CENPP: variants seen among roughly 807,000 people sequenced by gnomAD.
CENPP encodes centromere protein P.
CENPP carries 24 observed loss-of-function variants against 35.6 expected under a neutral mutation model. The ratio of observed to expected loss-of-function variants is 0.67; its 90% CI spans 0.49 to 0.95. CENPP has a LOEUF of 0.95. Ranked by LOEUF, CENPP falls within the 40% of genes least tolerant of loss-of-function variation. The probability of loss-of-function intolerance (pLI) is 0.00; values close to 1 mark genes in which losing one functional copy is unlikely to be tolerated. For synonymous variants in CENPP, 120 were observed against 125.5 expected, an observed-to-expected ratio of 0.96 and a Z score of 0.29; for missense variants, 332 against 345.3, an observed-to-expected ratio of 0.96 and a Z score of 0.31.
chr9:92,330,378 A>G (rs1244737457), intron 1 of CENPP, among the ~76,000 whole-genome samples: 4 of 152,216 alleles, frequency 2.6e-5, no homozygotes, highest in African/African-American at 9.6e-5. Flanking sequence ...TAGAGGAGCT[A>G]AGGCTAATCA....
intron 5 of CENPP, chr9:92,403,166 G>A: frequency 9.1e-7 from 1 of 1,102,076 alleles, no homozygotes; most frequent in South Asian, 1.7e-5. Flanking sequence ...ACACATTCAG[G>A]AAAAGCAAAA....
chr9:92,457,885 A>G (rs1564330995), intron 5 of CENPP, among the ~76,000 whole-genome samples: 1 of 152,210 alleles, frequency 6.6e-6, no homozygotes, highest in South Asian at 2.1e-4. Flanking sequence ...GTGTATATAT[A>G]TGGTTACTTC....
chr9:92,335,778 G>T (rs547023188), intron 2 of CENPP, among the ~76,000 whole-genome samples: 1 of 152,154 alleles, frequency 6.6e-6, no homozygotes, highest in East Asian at 1.9e-4. Flanking sequence ...ATACTGTCTT[G>T]ATTACTGTAG....
chr9:92,523,603 G>C (rs1407974742), intron 5 of CENPP, among the ~76,000 whole-genome samples: 1 of 152,208 alleles, frequency 6.6e-6, no homozygotes, highest in Non-Finnish European at 1.5e-5. Context: ...CAGATGTTTA[G>C]GGCGAAACAG....
rs1407853774 is a variant in CENPP, at chr9:92,518,231, CAG to C, written c.565-93082_565-93081del. On this transcript the variant is annotated intron_variant, in intron 5 of 7. Transcript: ENST00000375587. ...ATACTTTGTGTCTAATGTGGGGACA[CAG>C]GGGCTCAGCTCATCATATTCACTCA... Among the ~76,000 whole-genome samples, 4 of 152,318 alleles carry C rather than the reference CAG, an allele frequency of 2.6e-5. No individual in the cohort carries two copies. In the East Asian group the frequency reaches 5.8e-4, roughly 22 times the overall value.
intron 5 of CENPP, chr9:92,514,804 C>T (rs1455345600): frequency 1.2e-6 from 2 of 1,613,810 alleles, no homozygotes; most frequent in Non-Finnish European, 1.7e-6. Context: ...CATATCTCCT[C>T]TTACCGGGTC....
chr9:92,412,543 A>G (rs150253209), intron 5 of CENPP, among the ~76,000 whole-genome samples: 1 of 152,326 alleles, frequency 6.6e-6, no homozygotes, highest in African/African-American at 2.4e-5. Context: ...AGCTCTAGGC[A>G]ACCAATAGTC....
intron 4 of CENPP, among the ~76,000 whole-genome samples, chr9:92,364,640 G>A (rs1451135313): frequency 6.6e-6 from 1 of 152,140 alleles, no homozygotes; most frequent in Non-Finnish European, 1.5e-5. Flanking sequence ...GAATTTTACT[G>A]TATGTAAATT....
At chr9:92,599,946 G>C (rs1007985903) in intron 5 of CENPP, among the ~76,000 whole-genome samples, 2 of 152,186 alleles carry the variant, frequency 1.3e-5, no homozygotes, top group African/African-American at 4.8e-5. Context: ...TGGGGGACCA[G>C]TGGGACCCAC....
intron 5 of CENPP, among the ~76,000 whole-genome samples, chr9:92,412,368 T>A (rs1843469080): frequency 6.6e-6 from 1 of 152,186 alleles, no homozygotes; most frequent in Non-Finnish European, 1.5e-5. Flanking sequence ...ATTACAGATA[T>A]GAGCCACTGC....
At chr9:92,391,122 C>T (rs916866318) in intron 5 of CENPP, among the ~76,000 whole-genome samples, 1 of 150,962 alleles carries the variant, frequency 6.6e-6, no homozygotes, top group Admixed American at 6.6e-5. Flanking sequence ...ATAGGCCAGG[C>T]GCGGTGGCTC....
chr9:92,508,993 A>G (rs1847176138), intron 5 of CENPP, among the ~76,000 whole-genome samples: 1 of 152,076 alleles, frequency 6.6e-6, no homozygotes, highest in African/African-American at 2.4e-5. Flanking sequence ...ACACAGTACA[A>G]TCAAAGGCAT....
At chr9:92,348,333 A>G (rs983222720) in intron 4 of CENPP, among the ~76,000 whole-genome samples, 1 of 147,980 alleles carries the variant, frequency 6.8e-6, no homozygotes, top group African/African-American at 2.5e-5. Flanking sequence ...TTCATTCTTC[A>G]TTTCATTTGA....
chr9:92,505,464 T>C (rs1588195411), intron 5 of CENPP: 2 of 1,304,726 alleles, frequency 1.5e-6, no homozygotes, highest in Non-Finnish European at 2.1e-6. Context: ...AGTCTTAAAA[T>C]ATATTTTGTT....
chr9:92,421,183 A>G (rs1843780997), intron 5 of CENPP, among the ~76,000 whole-genome samples: 1 of 151,962 alleles, frequency 6.6e-6, no homozygotes, highest in Non-Finnish European at 1.5e-5. Flanking sequence ...GGGATTACAG[A>G]TGCGTGCCAC....
intron 5 of CENPP, among the ~76,000 whole-genome samples, chr9:92,594,768 A>G (rs1023746970): frequency 2.0e-5 from 3 of 152,152 alleles, no homozygotes; most frequent in Non-Finnish European, 2.9e-5. Context: ...CATCCTGGAC[A>G]ACATAGCAAG....
chr9:92,542,116 A>G (rs966911874), intron 5 of CENPP, among the ~76,000 whole-genome samples: 1 of 152,072 alleles, frequency 6.6e-6, no homozygotes, highest in Admixed American at 6.6e-5. Context: ...CTTTGAGATT[A>G]GTGGGATTGT....
At chr9:92,572,374 C>A (rs146107670) in intron 5 of CENPP, among the ~76,000 whole-genome samples, 1,728 of 152,264 alleles carry the variant, frequency 0.011, 27 homozygotes, top group African/African-American at 0.038. Flanking sequence ...ATATGAAATT[C>A]TGGGTTGAAA....
chr9:92,436,725 TC>T (rs1844253476), intron 5 of CENPP, among the ~76,000 whole-genome samples: 1 of 152,216 alleles, frequency 6.6e-6, no homozygotes, highest in Non-Finnish European at 1.5e-5. Context: ...CTTTTTCAGT[TC>T]TATTTATTTA....
Sources: gnomAD v4.1 joint callset for allele counts (sites outside exome capture counted in the v4.1 genomes callset) on GRCh38, gnomAD v4.1.1 for gene constraint, MANE v1.5 for transcripts, NCBI Gene and HGNC (gene_info 2026-07-23, HGNC 2026-07-21) for gene names.